FAM120A: variants seen among roughly 807,000 people sequenced by gnomAD.
The protein encoded by FAM120A is constitutive coactivator of PPAR-gamma-like protein 1.
FAM120A carries 15 observed loss-of-function variants against 109.7 expected under a neutral mutation model. That is an observed-to-expected ratio of 0.14 (90% CI 0.09 to 0.21). FAM120A has a LOEUF of 0.21. FAM120A is among the 10% of genes least tolerant of loss of function. The pLI, the probability that FAM120A is intolerant of heterozygous loss-of-function variation, is 1.00. For synonymous variants in FAM120A, 493 were observed against 572.8 expected (o/e 0.86, Z 1.99); for missense variants, 899 against 1,439.3 (o/e 0.62, Z 6.07).
At chr9:93,521,555 C>T (rs898751248) in intron 7 of FAM120A, among the ~76,000 whole-genome samples, 3 of 150,826 alleles carry the variant, frequency 2.0e-5, no homozygotes, top group Admixed American at 6.6e-5. Flanking sequence ...GCAGTCCAGC[C>T]GGGCAACAGA....
At chr9:93,478,642 A>G (rs1316902626) in intron 3 of FAM120A, among the ~76,000 whole-genome samples, 1 of 151,882 alleles carries the variant, frequency 6.6e-6, no homozygotes, top group Non-Finnish European at 1.5e-5. Flanking sequence ...ACGCCAGCTA[A>G]TTTTTGTGTT....
At chr9:93,502,559 G>GACACGTACAC (rs1859847570) in intron 5 of FAM120A, among the ~76,000 whole-genome samples, 1 of 59,402 alleles carries the variant, frequency 1.7e-5, no homozygotes, top group Non-Finnish European at 3.8e-5. Context: ...TTCTTAGGAG[G>GACACGTACAC]ACACATACAC....
chr9:93,562,647 T>C (rs935521185), intron 17 of FAM120A, among the ~76,000 whole-genome samples: 12 of 151,592 alleles, frequency 7.9e-5, no homozygotes, highest in African/African-American at 7.3e-5. Flanking sequence ...GTTTCTTTTT[T>C]TTTCTTTCTT....
At chr9:93,508,385 G>C (rs1290465931) in intron 5 of FAM120A, among the ~76,000 whole-genome samples, 1 of 152,170 alleles carries the variant, frequency 6.6e-6, no homozygotes. Flanking sequence ...TGGGACAGGA[G>C]CCTGTGGTCA....
rs370836849 is a variant in FAM120A, at chr9:93,565,573, C to T, written c.*1033C>T. On this transcript the variant is annotated 3_prime_UTR_variant, in exon 18 of 18. Transcript: ENST00000277165. ...TAAAGCCCCCCAAAAATTATCTAGC[C>T]GTTTCGAATATCAACATTACCCTGG... 15 of 152,220 alleles carry T rather than the reference C, an allele frequency of 9.9e-5. No individual in the cohort carries two copies. In the East Asian group the frequency reaches 2.3e-3, roughly 23 times the overall value. The allele number at this position is 152,220 out of a possible 1,614,324, so 9.4% of individuals were successfully genotyped here. A position where few individuals can be genotyped will look rare whatever the true frequency, so the allele number is the denominator to read the frequency against.
chr9:93,461,867 C>T (rs1326853177), intron 1 of FAM120A, among the ~76,000 whole-genome samples: 2 of 152,154 alleles, frequency 1.3e-5, no homozygotes, highest in African/African-American at 4.8e-5. Context: ...AGCATAATAA[C>T]AAATATTCCA....
At chr9:93,555,078 A>C (rs1862247028) in intron 12 of FAM120A, among the ~76,000 whole-genome samples, 1 of 151,866 alleles carries the variant, frequency 6.6e-6, no homozygotes. Flanking sequence ...AATCAAGTAC[A>C]TTTTCTCCAT....
chr9:93,546,361 ACT>A (rs1457216702), intron 11 of FAM120A, among the ~76,000 whole-genome samples: 2 of 152,046 alleles, frequency 1.3e-5, no homozygotes, highest in Non-Finnish European at 2.9e-5. Context: ...GTGAGGACAC[ACT>A]CTGGGGCCCC....
At chr9:93,481,358 TA>T (rs1203626196) in intron 3 of FAM120A, among the ~76,000 whole-genome samples, 12 of 152,362 alleles carry the variant, frequency 7.9e-5, no homozygotes, top group African/African-American at 2.9e-4. Context: ...TTGCTGGCTT[TA>T]TTTTTTTAAA....
intron 14 of FAM120A, 59 bp from the exon 15 acceptor site, chr9:93,558,522 A>C: frequency 6.3e-7 from 1 of 1,588,578 alleles, no homozygotes; most frequent in African/African-American, 1.3e-5. Context: ...AATACCCAGC[A>C]GGGCCCTGAG....
intron 3 of FAM120A, among the ~76,000 whole-genome samples, chr9:93,488,876 C>T (rs997612170): frequency 2.0e-5 from 3 of 152,000 alleles, no homozygotes; most frequent in Non-Finnish European, 4.4e-5. Context: ...ATCTTTTCCT[C>T]GGCTGTCCAT....
intron 1 of FAM120A, among the ~76,000 whole-genome samples, chr9:93,464,969 C>T (rs1857951287): frequency 1.3e-5 from 2 of 152,110 alleles, no homozygotes; most frequent in Admixed American, 1.3e-4. Flanking sequence ...TTGTATTATG[C>T]CCAGTCCAAG....
At position 93,500,228 on chromosome 9, in the gene FAM120A, G is replaced by A. The variant is rs1429431500; in HGVS notation, c.1030+1342G>A. On this transcript the variant is annotated intron_variant, in intron 5 of 17. Coordinates refer to ENST00000277165, the MANE Select transcript of FAM120A (RefSeq NM_014612.5). This position sits in a 1 kb window ranked among gnomAD's most constrained non-coding sequence, Gnocchi z 4.6. ...GCTCAGAATTCCCCATTGGCTTCCCGTCACACTTGGAATAAATTCCCAACT... is the reference window on the plus strand; with the variant it reads ...GCTCAGAATTCCCCATTGGCTTCCCATCACACTTGGAATAAATTCCCAACT... Among the ~76,000 whole-genome samples, 5 of 152,200 alleles carry A rather than the reference G, an allele frequency of 3.3e-5. No individual in the cohort carries two copies. Among genetic ancestry groups the A allele is most frequent in the African/African-American group, 9.7e-5 (4 of 41,448 alleles).
At position 93,452,013 on chromosome 9, in the gene FAM120A, G is replaced by C; in HGVS notation, c.98G>C (p.Gly33Ala). 1 of 1,555,900 alleles carries C rather than the reference G, an allele frequency of 6.4e-7. No individual in the cohort carries two copies. The highest frequency in any genetic ancestry group is 8.7e-7 in the Non-Finnish European group (1 of 1,151,158). Residue 33 changes from glycine (G) to alanine (A), a missense_variant, in exon 1 of 18, where the codon GGC becomes GCC. Gly to Ala is a moderately conservative substitution (Grantham distance 60). This residue lies in a region of FAM120A where 258 missense variants were observed against 451.4 expected (regional missense o/e 0.57). Transcript: ENST00000277165. This position sits in a 1 kb window ranked among gnomAD's most constrained non-coding sequence, Gnocchi z 7.0. ...LQKLARGSLV[G>A]GGRQRPPQTP... is the part of the protein sequence containing the mutation. ...AAGCTGGCCCGGGGCAGCCTGGTGG[G>C]CGGCGGGCGGCAGCGGCCCCCGCAG...
intron 7 of FAM120A, among the ~76,000 whole-genome samples, chr9:93,524,470 G>A (rs1046383901): frequency 2.0e-5 from 3 of 152,192 alleles, no homozygotes; most frequent in Non-Finnish European, 4.4e-5. Flanking sequence ...TACGGAAGAA[G>A]CTCCAAACGT....
chr9:93,466,209 C>CT (rs1858012278), intron 1 of FAM120A, among the ~76,000 whole-genome samples: 1 of 152,124 alleles, frequency 6.6e-6, no homozygotes, highest in Admixed American at 6.5e-5. Flanking sequence ...ACTCTACCTA[C>CT]TGGGGGGAAA....
intron 15 of FAM120A, among the ~76,000 whole-genome samples, chr9:93,560,483 A>G (rs1278392203): frequency 1.3e-5 from 2 of 152,226 alleles, no homozygotes; most frequent in Non-Finnish European, 2.9e-5. Flanking sequence ...CCAAGATGAT[A>G]GTTGTTTATT....
intron 12 of FAM120A, among the ~76,000 whole-genome samples, chr9:93,553,594 T>C (rs903412930): frequency 6.6e-6 from 1 of 152,250 alleles, no homozygotes; most frequent in Non-Finnish European, 1.5e-5. Context: ...TTTTTGTCTG[T>C]ATTTCTCTAG....
At chr9:93,461,544 T>C (rs978027148) in intron 1 of FAM120A, among the ~76,000 whole-genome samples, 1 of 152,220 alleles carries the variant, frequency 6.6e-6, no homozygotes, top group African/African-American at 2.4e-5. Context: ...AGGATTTAGC[T>C]GAGTCATTAG....
Sources: gnomAD v4.1 joint callset for allele counts (sites outside exome capture counted in the v4.1 genomes callset) on GRCh38, gnomAD v4.1.1 for gene constraint, gnomAD v4.1.1 regional missense constraint, Gnocchi (gnomAD v3.1) non-coding constraint, MANE v1.5 for transcripts, NCBI Gene and HGNC (gene_info 2026-07-23, HGNC 2026-07-21) for gene names.